The following KIAA1328 variants were observed in gnomAD, a reference collection of about 807,000 sequenced individuals.
The protein encoded by KIAA1328 is protein hinderin.
KIAA1328 carries 52 observed loss-of-function variants against 68.1 expected under a neutral mutation model. That is an observed-to-expected ratio of 0.76 (90% confidence interval 0.61 to 0.96). The LOEUF is 0.96. Among genes scored for constraint, KIAA1328 ranks in the 40% least tolerant of loss-of-function variants. The pLI is 0.00. For missense variants in KIAA1328, 641 were observed against 677.6 expected (o/e 0.95, Z 0.60); for synonymous variants, 232 against 239.4 (o/e 0.97, Z 0.28).
intron 5 of KIAA1328, among the ~76,000 whole-genome samples, chr18:36,900,603 G>A (rs1405128159): frequency 2.0e-5 from 3 of 151,794 alleles, no homozygotes; most frequent in East Asian, 1.9e-4. Flanking sequence ...TTACATAAGC[G>A]TACATCCCAT....
intron 6 of KIAA1328, among the ~76,000 whole-genome samples, chr18:36,992,462 T>TTTTTTTTTTTTTTTTTTTTTTTTG (rs2053224035): frequency 6.4e-5 from 1 of 15,526 alleles, no homozygotes; most frequent in African/African-American, 7.7e-5. Flanking sequence ...TTTTTTTTTT[T>TTTTTTTTTTTTTTTTTTTTTTTTG]TTTTTTTTTT....
intron 5 of KIAA1328, among the ~76,000 whole-genome samples, chr18:36,951,266 A>G (rs957661156): frequency 2.0e-5 from 3 of 152,164 alleles, no homozygotes; most frequent in African/African-American, 7.2e-5. Context: ...ATTACCTGCC[A>G]TTCTTTCTCC....
chr18:37,070,476 T>C (rs1246201067), intron 7 of KIAA1328, among the ~76,000 whole-genome samples: 1 of 152,190 alleles, frequency 6.6e-6, no homozygotes, highest in African/African-American at 2.4e-5. Context: ...TTTTAAATAT[T>C]TATACTTCTG....
chr18:37,077,132 C>T (rs1300517977), intron 7 of KIAA1328, among the ~76,000 whole-genome samples: 5 of 150,170 alleles, frequency 3.3e-5, no homozygotes, highest in Non-Finnish European at 1.5e-5. Context: ...AAAGCTTATC[C>T]ACCATGATCA....
chr18:37,084,181 C>T, intron 7 of KIAA1328: 1 of 1,527,036 alleles, frequency 6.5e-7, no homozygotes, highest in Non-Finnish European at 8.7e-7. Context: ...AAACAGCTTA[C>T]TAAACCCCAA....
At chr18:36,933,067 C>G (rs764920500) in intron 5 of KIAA1328, among the ~76,000 whole-genome samples, 19 of 152,072 alleles carry the variant, frequency 1.2e-4, no homozygotes, top group Non-Finnish European at 2.8e-4. Flanking sequence ...TAGCCCTAAT[C>G]TCACCTTAAT....
intron 7 of KIAA1328, among the ~76,000 whole-genome samples, chr18:37,086,736 AT>A (rs1217460202): frequency 6.6e-6 from 1 of 152,188 alleles, no homozygotes; most frequent in Non-Finnish European, 1.5e-5. Flanking sequence ...TGAAGGTTGT[AT>A]TCTATTACCT....
At chr18:36,910,802 G>C (rs866543778) in intron 5 of KIAA1328, among the ~76,000 whole-genome samples, 4 of 152,052 alleles carry the variant, frequency 2.6e-5, no homozygotes, top group Non-Finnish European at 5.9e-5. Context: ...ATTTCGTTGA[G>C]CAGTGGTTTG....
At chr18:36,928,320 G>A (rs1028664824) in intron 5 of KIAA1328, among the ~76,000 whole-genome samples, 3 of 152,040 alleles carry the variant, frequency 2.0e-5, no homozygotes, top group African/African-American at 7.2e-5. Flanking sequence ...TATGGACTCT[G>A]GTGTGACACT....
intron 1 of KIAA1328, 129 bp downstream of exon 1, chr18:36,829,325 C>A: frequency 7.1e-7 from 1 of 1,399,814 alleles, no homozygotes. Flanking sequence ...ACGTGCTGCT[C>A]GGCCCCAGTC....
intron 5 of KIAA1328, among the ~76,000 whole-genome samples, chr18:36,893,518 CATT>C (rs1276901240): frequency 6.8e-6 from 1 of 147,178 alleles, no homozygotes; most frequent in Non-Finnish European, 1.5e-5. Flanking sequence ...ACAAGGGTCT[CATT>C]ATGTTGCCTA....
intron 9 of KIAA1328, among the ~76,000 whole-genome samples, chr18:37,184,627 T>G (rs542498648): frequency 9.9e-5 from 15 of 152,280 alleles, no homozygotes; most frequent in Non-Finnish European, 1.8e-4. Context: ...CCTCCACAGC[T>G]CGCTAGCAGC....
At chr18:37,023,626 T>C (rs1189316784) in intron 6 of KIAA1328, among the ~76,000 whole-genome samples, 1 of 152,166 alleles carries the variant, frequency 6.6e-6, no homozygotes, top group African/African-American at 2.4e-5. Context: ...TCATTTTTGT[T>C]TTATTCACAT....
intron 9 of KIAA1328, among the ~76,000 whole-genome samples, chr18:37,185,519 A>T (rs1398300841): frequency 6.6e-6 from 1 of 152,110 alleles, no homozygotes; most frequent in Non-Finnish European, 1.5e-5. Flanking sequence ...TTGGGGAAAG[A>T]ATATTCAGAA....
intron 3 of KIAA1328, among the ~76,000 whole-genome samples, chr18:36,837,287 T>TA (rs1165027348): frequency 2.6e-5 from 4 of 152,172 alleles, no homozygotes; most frequent in Non-Finnish European, 1.5e-5. Flanking sequence ...ATGGCCACCC[T>TA]AGTGGGTGTG....
chr18:36,876,285 C>A (rs1020054107), intron 4 of KIAA1328, among the ~76,000 whole-genome samples: 1 of 152,136 alleles, frequency 6.6e-6, no homozygotes, highest in South Asian at 2.1e-4. Context: ...GGCTGTCAAT[C>A]AGTCTGGTCC....
intron 5 of KIAA1328, among the ~76,000 whole-genome samples, chr18:36,950,893 A>G (rs1355606893): frequency 1.3e-5 from 2 of 152,210 alleles, no homozygotes; most frequent in Non-Finnish European, 2.9e-5. Flanking sequence ...TGACAAGAAA[A>G]TAGCCTAACT....
At position 37,142,404 on chromosome 18, in the gene KIAA1328, C is replaced by T. The variant is rs1599408964; in HGVS notation, c.1233-17796C>T. The stretch of plus-strand genomic sequence containing the variant: ...ACGGGGTTTCACTAGGTCGGCCAGG[C>T]TGTTCTCGAACTCCTGACCTCAGGT... On this transcript the variant is annotated intron_variant, in intron 7 of 9. Transcript: ENST00000280020. Among the ~76,000 whole-genome samples, 3 of 152,206 alleles carry T rather than the reference C, an allele frequency of 2.0e-5. No homozygotes were observed. The East Asian group carries it at 5.8e-4, about 29-fold the overall frequency.
chr18:37,019,923 G>T (rs190392305), intron 6 of KIAA1328, among the ~76,000 whole-genome samples: 203 of 152,264 alleles, frequency 1.3e-3, no homozygotes, highest in African/African-American at 4.5e-3. Context: ...AGGAGAGAGG[G>T]TCTTCCTGTA....
Sources: gnomAD v4.1 joint callset for allele counts (sites outside exome capture counted in the v4.1 genomes callset) on GRCh38, gnomAD v4.1.1 for gene constraint, MANE v1.5 for transcripts, NCBI Gene and HGNC (gene_info 2026-07-23, HGNC 2026-07-21) for gene names.